Variants in ENPP2 observed in about 807,000 individuals in gnomAD.
ENPP2 encodes the protein ectonucleotide pyrophosphatase/phosphodiesterase 2.
In ENPP2, 51 loss-of-function variants were observed where a neutral mutation model predicts 120.2. That is an observed-to-expected ratio of 0.42 (90% confidence interval 0.34 to 0.54). The LOEUF is 0.54. Among genes scored for constraint, ENPP2 ranks in the 20% least tolerant of loss-of-function variants. The probability of loss-of-function intolerance (pLI) is 0.04; values close to 1 mark genes in which losing one functional copy is unlikely to be tolerated. For synonymous variants in ENPP2, 365 were observed against 366.4 expected, an observed-to-expected ratio of 1.00 and a Z score of 0.04; for missense variants, 920 against 1,066.5, an observed-to-expected ratio of 0.86 and a Z score of 1.91.
chr8:119,598,897 A>G (rs979676216), intron 11 of ENPP2, among the ~76,000 whole-genome samples: 1 of 152,198 alleles, frequency 6.6e-6, no homozygotes, highest in African/African-American at 2.4e-5. Context: ...TCCTACTTTT[A>G]AAAGGATGGC....
intron 14 of ENPP2, 127 bp downstream of exon 14, chr8:119,586,917 G>A (rs1468336246): frequency 2.7e-6 from 2 of 738,146 alleles, no homozygotes; most frequent in Non-Finnish European, 2.4e-6. Context: ...AAATATACAG[G>A]ATGGCAGGGC....
intron 15 of ENPP2, among the ~76,000 whole-genome samples, chr8:119,584,526 G>A (rs191412245): frequency 1.2e-3 from 184 of 152,160 alleles, no homozygotes; most frequent in African/African-American, 4.2e-3. Context: ...ATAAATTTGC[G>A]ATGTTTAAAC....
At chr8:119,590,452 C>G in intron 13 of ENPP2, 53 bp downstream of exon 13, 8 of 1,412,812 alleles carry the variant, frequency 5.7e-6, no homozygotes, top group Non-Finnish European at 6.6e-6. Flanking sequence ...AAGCCCTTAC[C>G]TATTCCTTTG....
chr8:119,620,890 T>C (rs764251707), intron 4 of ENPP2, among the ~76,000 whole-genome samples: 8 of 152,132 alleles, frequency 5.3e-5, no homozygotes, highest in Non-Finnish European at 1.2e-4. Context: ...GTACATCCAA[T>C]AGATAAAAAA....
chr8:119,578,440 T>C (rs1222034067), intron 19 of ENPP2: 1 of 152,244 alleles, frequency 6.6e-6, no homozygotes, highest in Admixed American at 6.5e-5. Context: ...AATGTTTTTC[T>C]CAGACAGAAA....
intron 22 of ENPP2, among the ~76,000 whole-genome samples, chr8:119,567,440 C>A (rs1814564180): frequency 6.6e-6 from 1 of 152,214 alleles, no homozygotes; most frequent in Non-Finnish European, 1.5e-5. Context: ...AATGACATTT[C>A]TATGATCACA....
chr8:119,578,950 A>G (rs538690414), intron 19 of ENPP2, among the ~76,000 whole-genome samples: 12 of 152,362 alleles, frequency 7.9e-5, no homozygotes, highest in Admixed American at 2.6e-4. Flanking sequence ...AAGAGCATAT[A>G]TGATAAACAG....
At chr8:119,576,090 T>C (rs1240855252) in intron 19 of ENPP2, among the ~76,000 whole-genome samples, 1 of 152,208 alleles carries the variant, frequency 6.6e-6, no homozygotes, top group African/African-American at 2.4e-5. Flanking sequence ...TGTAGCCATA[T>C]TCAGGACTCT....
chr8:119,638,366 G>T (rs1185614421), intron 2 of ENPP2, 59 bp downstream of exon 2: 2 of 830,936 alleles, frequency 2.4e-6, no homozygotes, highest in African/African-American at 1.7e-5. Flanking sequence ...AGCTTACATT[G>T]ATTACCCCGT....
chr8:119,666,495 A>C (rs1818073855), intron 1 of ENPP2, among the ~76,000 whole-genome samples: 1 of 152,134 alleles, frequency 6.6e-6, no homozygotes. Flanking sequence ...TTAAAAAGAA[A>C]AAAGGCTGGG....
chr8:119,575,542 C>T (rs1175060762), intron 19 of ENPP2, among the ~76,000 whole-genome samples: 1 of 152,088 alleles, frequency 6.6e-6, no homozygotes, highest in Non-Finnish European at 1.5e-5. Context: ...GACATATTCC[C>T]TTTGTTCCCA....
chr8:119,560,894 A>T (rs979584529), intron 24 of ENPP2, among the ~76,000 whole-genome samples: 2 of 152,118 alleles, frequency 1.3e-5, no homozygotes, highest in African/African-American at 2.4e-5. Flanking sequence ...GAGATCATAT[A>T]TATATATATT....
At chr8:119,570,604 A>T (rs899976005) in intron 20 of ENPP2, 101 bp downstream of exon 20, 9 of 646,380 alleles carry the variant, frequency 1.4e-5, no homozygotes, top group Non-Finnish European at 2.0e-5. Context: ...AAGAAAAAAT[A>T]AAATATTTTC....
chr8:119,573,106 A>G (rs1381926053), intron 19 of ENPP2: 4 of 152,200 alleles, frequency 2.6e-5, no homozygotes, highest in Non-Finnish European at 5.9e-5. Context: ...GGGCAGAGAT[A>G]TCTTAAGATT....
intron 18 of ENPP2, 122 bp downstream of exon 18, chr8:119,582,296 A>C: frequency 7.2e-6 from 5 of 696,478 alleles, no homozygotes; most frequent in Non-Finnish European, 1.2e-5. Flanking sequence ...CACACTAGCC[A>C]GTAGCTACCA....
intron 8 of ENPP2, among the ~76,000 whole-genome samples, chr8:119,608,848 C>G (rs779868052): frequency 6.6e-6 from 1 of 152,122 alleles, no homozygotes; most frequent in Non-Finnish European, 1.5e-5. Context: ...CTGGCAAACA[C>G]TCGATAAATT....
chr8:119,648,213 T>C (rs1225974992), intron 1 of ENPP2, among the ~76,000 whole-genome samples: 1 of 152,102 alleles, frequency 6.6e-6, no homozygotes, highest in African/African-American at 2.4e-5. Context: ...AAACAAATAT[T>C]CCCCATTACT....
At chr8:119,644,587 AATAT>A (rs33966650) in intron 1 of ENPP2, among the ~76,000 whole-genome samples, 2,257 of 59,968 alleles carry the variant, frequency 0.038, 44 homozygotes, top group Non-Finnish European at 0.041. Context: ...AGATTACTAA[AATAT>A]ATATATATAT....
At chr8:119,632,240 T>C (rs769337813) in intron 2 of ENPP2, among the ~76,000 whole-genome samples, 7 of 152,188 alleles carry the variant, frequency 4.6e-5, no homozygotes, top group African/African-American at 7.2e-5. Context: ...ATCAACAAAC[T>C]TGTGGTATCC....
Sources: allele counts gnomAD v4.1 joint callset (sites outside exome capture counted in the v4.1 genomes callset), GRCh38; gene constraint gnomAD v4.1.1; transcripts MANE v1.5; gene names NCBI Gene and HGNC (gene_info 2026-07-23, HGNC 2026-07-21).